ANXA10: variants seen among roughly 807,000 people sequenced by gnomAD.
ANXA10 encodes annexin A10, also known as annexin 14.
A neutral mutation model predicts 53.5 loss-of-function variants in ANXA10; 49 were observed. The ratio of observed to expected loss-of-function variants is 0.92; its 90% CI spans 0.73 to 1.16. The LOEUF is 1.16. ANXA10 is among the 50% of genes most tolerant of loss of function. The probability of loss-of-function intolerance (pLI) is 0.00; values close to 1 mark genes in which losing one functional copy is unlikely to be tolerated. For synonymous variants in ANXA10, 131 were observed against 128.9 expected (o/e 1.02, Z -0.11); for missense variants, 393 against 394.4 (o/e 1.00, Z 0.03).
intron 3 of ANXA10, among the ~76,000 whole-genome samples, chr4:168,156,614 C>T (rs1731688948): frequency 6.6e-6 from 1 of 150,782 alleles, no homozygotes; most frequent in African/African-American, 2.4e-5. Context: ...CGCCATTCTC[C>T]TGCCTCAGCC....
chr4:168,155,625 TA>T (rs1166684282), intron 3 of ANXA10, among the ~76,000 whole-genome samples: 2 of 66,320 alleles, frequency 3.0e-5, no homozygotes, highest in East Asian at 1.0e-3. Context: ...ATATTATAAA[TA>T]TATATAATTA....
chr4:168,181,622 T>G (rs1187803171), intron 9 of ANXA10, 61 bp from the exon 10 acceptor site: 1 of 1,336,878 alleles, frequency 7.5e-7, no homozygotes, highest in Non-Finnish European at 1.1e-6. Context: ...TTTCTCAAAT[T>G]CTGACGAAAA....
At chr4:168,129,324 GAC>G (rs1263779938) in intron 2 of ANXA10, among the ~76,000 whole-genome samples, 1 of 152,120 alleles carries the variant, frequency 6.6e-6, no homozygotes, top group Non-Finnish European at 1.5e-5. Context: ...ACAATAAAAA[GAC>G]AAGTTAACAC....
intron 11 of ANXA10, among the ~76,000 whole-genome samples, chr4:168,186,633 T>C (rs754698204): frequency 2.0e-5 from 3 of 152,206 alleles, no homozygotes; most frequent in Non-Finnish European, 4.4e-5. Context: ...CTAGAGCTGT[T>C]AGAAATAAAT....
intron 6 of ANXA10, among the ~76,000 whole-genome samples, chr4:168,170,465 T>G (rs1217329254): frequency 6.6e-6 from 1 of 152,220 alleles, no homozygotes; most frequent in Non-Finnish European, 1.5e-5. Flanking sequence ...GCTTGTGTTT[T>G]AAGTTTAGAG....
intron 3 of ANXA10, among the ~76,000 whole-genome samples, chr4:168,155,341 T>C (rs1009812023): frequency 1.6e-5 from 2 of 121,654 alleles, no homozygotes; most frequent in African/African-American, 6.2e-5. Flanking sequence ...TTACATTATA[T>C]ATAATATATT....
At chr4:168,099,752 T>C (rs1730611489) in intron 1 of ANXA10, among the ~76,000 whole-genome samples, 1 of 152,096 alleles carries the variant, frequency 6.6e-6, no homozygotes, top group African/African-American at 2.4e-5. Context: ...TTAGTGGACT[T>C]GGTCTTTTTT....
chr4:168,129,305 A>C (rs1303381362), intron 2 of ANXA10, among the ~76,000 whole-genome samples: 1 of 152,186 alleles, frequency 6.6e-6, no homozygotes, highest in Non-Finnish European at 1.5e-5. Context: ...AATATCAGTC[A>C]TCACTAGAAC....
At chr4:168,156,119 T>A (rs1211552927) in intron 3 of ANXA10, among the ~76,000 whole-genome samples, 1 of 41,146 alleles carries the variant, frequency 2.4e-5, no homozygotes, top group African/African-American at 1.1e-4. Context: ...TATATTTATT[T>A]ATATTTATAT....
At chr4:168,119,299 T>C (rs993834681) in intron 1 of ANXA10, among the ~76,000 whole-genome samples, 2 of 152,156 alleles carry the variant, frequency 1.3e-5, no homozygotes, top group Non-Finnish European at 2.9e-5. Flanking sequence ...CAGAAAAATG[T>C]ACATTGCACA....
intron 2 of ANXA10, among the ~76,000 whole-genome samples, chr4:168,135,011 T>C (rs907584913): frequency 3.3e-5 from 5 of 152,180 alleles, no homozygotes; most frequent in Non-Finnish European, 5.9e-5. Context: ...TCTCCTTATC[T>C]CCATTATATA....
chr4:168,181,704 C>A lies in ANXA10; in HGVS notation c.746C>A (p.Pro249Gln), dbSNP rs767502972. 4.1e-5 allele frequency: 65 copies of A among 1,604,138 alleles called. 1 individual carries two copies. The highest frequency in any genetic ancestry group is 4.8e-5 in the Non-Finnish European group (56 of 1,173,142). ...CTAGTTCTCTGTGTTCGAGACAAAC[C>A]AGCCTATTTTGCTTATAGATTATAT... is the stretch of plus-strand genomic sequence containing the variant. ...VAIVLCVRDKPAYFAYRLYSA... is the reference protein window; with the variant it reads ...VAIVLCVRDKQAYFAYRLYSA... Residue 249 changes from proline to glutamine, a missense_variant, in exon 10 of 12, where the codon CCA (proline) becomes CAA (glutamine). Pro to Gln is a moderately conservative substitution (Grantham distance 76). Coordinates refer to ENST00000359299, the MANE Select transcript of ANXA10 (RefSeq NM_007193.5).
chr4:168,116,286 G>A lies in ANXA10; in HGVS notation c.19-11798G>A, dbSNP rs529496086. The stretch of plus-strand genomic sequence containing the variant: ...TGAATCTAAGAAATCACTATTAAAC[G>A]GTCTATTGGCAAGCATGAGTAAAAC... On this transcript the variant is annotated intron_variant, in intron 1 of 11. Transcript: ENST00000359299. Among the ~76,000 whole-genome samples the A allele has an allele frequency of 1.5e-4, 23 of 152,134 alleles. No homozygotes were observed. The South Asian group carries it at 3.5e-3, about 23-fold the overall frequency.
chr4:168,096,949 A>C (rs1361553221), intron 1 of ANXA10, among the ~76,000 whole-genome samples: 1 of 56,612 alleles, frequency 1.8e-5, no homozygotes, highest in African/African-American at 9.2e-5. Context: ...TGTATATACA[A>C]TACATACATA....
chr4:168,103,779 T>C (rs944167084), intron 1 of ANXA10, among the ~76,000 whole-genome samples: 70 of 152,082 alleles, frequency 4.6e-4, no homozygotes, highest in African/African-American at 1.6e-3. Flanking sequence ...TATTAAGTTT[T>C]CTAGCCATGA....
chr4:168,159,112 G>A (rs143877041), intron 3 of ANXA10, among the ~76,000 whole-genome samples: 72 of 152,194 alleles, frequency 4.7e-4, no homozygotes, highest in African/African-American at 1.7e-3. Context: ...TTTCTTTATG[G>A]CAACACAAAG....
intron 1 of ANXA10, among the ~76,000 whole-genome samples, chr4:168,116,014 A>T (rs187730592): frequency 3.7e-4 from 56 of 152,304 alleles, no homozygotes; most frequent in Admixed American, 2.1e-3. Context: ...GCACTGCCCT[A>T]GATGCTTTGA....
chr4:168,172,550 T>C (rs1312385727), intron 6 of ANXA10, among the ~76,000 whole-genome samples: 1 of 152,208 alleles, frequency 6.6e-6, no homozygotes, highest in East Asian at 1.9e-4. Flanking sequence ...ATTTCTTGAA[T>C]GCCTACCATG....
chr4:168,152,047 G>T (rs980128971), intron 3 of ANXA10, among the ~76,000 whole-genome samples: 1 of 152,212 alleles, frequency 6.6e-6, no homozygotes, highest in Non-Finnish European at 1.5e-5. Context: ...ATGGGCTGGT[G>T]AAATAGCCGT....
Sources: allele counts gnomAD v4.1 joint callset (sites outside exome capture counted in the v4.1 genomes callset), GRCh38; gene constraint gnomAD v4.1.1; transcripts MANE v1.5; gene names NCBI Gene and HGNC (gene_info 2026-07-23, HGNC 2026-07-21).